Variants in MINDY3 observed in about 807,000 individuals in gnomAD.
MINDY3 encodes MINDY lysine 48 deubiquitinase 3, also known as ubiquitin carboxyl-terminal hydrolase MINDY-3.
Under a neutral mutation model 69.2 loss-of-function variants are expected in MINDY3, and 38 were observed. The observed-to-expected ratio is 0.55, with a 90% CI of 0.42 to 0.72. The LOEUF is 0.72. MINDY3 is among the 30% of genes least tolerant of loss of function. MINDY3 has a pLI of 0.00. For synonymous variants in MINDY3, 192 were observed against 180.1 expected (o/e 1.07, Z -0.53); for missense variants, 522 against 519.0 (o/e 1.01, Z -0.06).
At chr10:15,789,772 C>T (rs1837274404) in intron 11 of MINDY3, among the ~76,000 whole-genome samples, 1 of 152,058 alleles carries the variant, frequency 6.6e-6, no homozygotes, top group Admixed American at 6.6e-5. Context: ...TCCACTGATA[C>T]TTAGACAACT....
intron 2 of MINDY3, among the ~76,000 whole-genome samples, chr10:15,845,513 T>A (rs560115530): frequency 6.6e-6 from 1 of 152,236 alleles, no homozygotes; most frequent in Admixed American, 6.5e-5. Flanking sequence ...TTTTTTTCCT[T>A]TTTAGAAACA....
intron 3 of MINDY3, 143 bp downstream of exon 3, chr10:15,843,069 T>C: frequency 1.5e-6 from 1 of 669,876 alleles, no homozygotes; most frequent in Non-Finnish European, 2.6e-6. Context: ...ATGGAGTCAC[T>C]GTTCATGAAA....
chr10:15,808,162 C>G (rs1391914686), intron 10 of MINDY3, among the ~76,000 whole-genome samples: 1 of 152,114 alleles, frequency 6.6e-6, no homozygotes, highest in Non-Finnish European at 1.5e-5. Context: ...CTTCAGGATC[C>G]TTTAAGTTGT....
chr10:15,798,587 C>T (rs1838018357), intron 10 of MINDY3, among the ~76,000 whole-genome samples: 1 of 151,824 alleles, frequency 6.6e-6, no homozygotes, highest in African/African-American at 2.4e-5. Context: ...AGAGACCAGA[C>T]TGGCCAACAT....
intron 2 of MINDY3, among the ~76,000 whole-genome samples, chr10:15,844,598 T>C (rs1833701021): frequency 2.0e-5 from 3 of 152,190 alleles, no homozygotes; most frequent in African/African-American, 2.4e-5. Context: ...GCTTGCAATT[T>C]TTTTGCTACT....
intron 2 of MINDY3, among the ~76,000 whole-genome samples, chr10:15,845,557 T>G (rs539357696): frequency 1.3e-5 from 2 of 152,188 alleles, no homozygotes; most frequent in East Asian, 3.9e-4. Context: ...TGGAGGGCAG[T>G]GGCATGATCA....
At chr10:15,786,435 T>G (rs979259431) in intron 13 of MINDY3, 126 bp downstream of exon 13, 21 of 658,078 alleles carry the variant, frequency 3.2e-5, no homozygotes, top group Admixed American at 2.1e-4. Context: ...GGTTTCCATG[T>G]AACGGTGTTT....
Position 15,779,054 on chromosome 10 carries a change from G to C in MINDY3, c.1276C>G (p.Gln426Glu). Residue 426 changes from glutamine to glutamate, a missense_variant, in exon 15 of 15, where the codon CAA becomes GAA. Physicochemically the swap from Gln to Glu is conservative, Grantham distance 29. Coordinates refer to ENST00000277632, the MANE Select transcript of MINDY3 (RefSeq NM_024948.4). ...TDDTPIKRCL[Q>E]TKWPYIELLW... ...AACTCAATGTATGGCCATTTGGTTT[G>C]CAGACAGCGTTTAATAGGAGTGTCA... 1 of 1,613,524 alleles carries C rather than the reference G, an allele frequency of 6.2e-7. No homozygotes were observed. Among genetic ancestry groups the C allele is most frequent in the Non-Finnish European group, 8.5e-7 (1 of 1,179,704 alleles).
At chr10:15,808,621 TAAA>T (rs1838792596) in intron 10 of MINDY3, among the ~76,000 whole-genome samples, 4 of 152,174 alleles carry the variant, frequency 2.6e-5, no homozygotes, top group African/African-American at 9.7e-5. Context: ...CAGCAACAGT[TAAA>T]TAATTTTTTC....
intron 10 of MINDY3, among the ~76,000 whole-genome samples, chr10:15,814,465 C>A (rs1309377320): frequency 3.3e-5 from 5 of 151,450 alleles, no homozygotes; most frequent in Non-Finnish European, 7.4e-5. Flanking sequence ...TAATTCCCCC[C>A]ACCCCTAGTG....
rs973318977 is a variant in MINDY3, at chr10:15,829,352, G to A, written c.730+4278C>T. 3.3e-5 allele frequency among the ~76,000 whole-genome samples: 5 copies of A among 152,268 alleles called. No homozygotes were observed. In the South Asian group the frequency reaches 8.3e-4, roughly 25 times the overall value. ...TAACCCTGACTACACAATATCACTT[G>A]CTTAAAAATATATGAATGCCCAGAT... On this transcript the variant is annotated intron_variant, in intron 8 of 14. Coordinates refer to ENST00000277632, the MANE Select transcript of MINDY3 (RefSeq NM_024948.4).
At chr10:15,822,822 C>T (rs899063393) in intron 8 of MINDY3, among the ~76,000 whole-genome samples, 1 of 151,956 alleles carries the variant, frequency 6.6e-6, no homozygotes, top group Non-Finnish European at 1.5e-5. Flanking sequence ...ACAGACACAA[C>T]GCAGGGAATA....
chr10:15,789,851 AAAC>A (rs1358585875), intron 11 of MINDY3, among the ~76,000 whole-genome samples: 8 of 152,146 alleles, frequency 5.3e-5, no homozygotes, highest in Admixed American at 5.2e-4. Flanking sequence ...GGTTTAAAAA[AAAC>A]AGCCCTGAAA....
rs969529834 is a variant in MINDY3 at position 15,814,067 on chromosome 10, G to T, written c.882+2768C>A. Among the ~76,000 whole-genome samples, 48 of 151,704 alleles carry T rather than the reference G, an allele frequency of 3.2e-4. 1 individual carries two copies. Among genetic ancestry groups the T allele is most frequent in the Admixed American group, 1.3e-4 (2 of 15,226 alleles). On this transcript the variant is annotated intron_variant, in intron 10 of 14. Transcript: ENST00000277632. ...CAGAAATGTTAAAGAAGGAATGGCC[G>T]AATAATGATTCTTGTTATAATTTTA...
chr10:15,787,155 T>C (rs1304856890), intron 12 of MINDY3, among the ~76,000 whole-genome samples: 2 of 152,060 alleles, frequency 1.3e-5, no homozygotes, highest in African/African-American at 4.8e-5. Context: ...ACAATGTAAT[T>C]TGAAGGTTAA....
chr10:15,837,642 A>AG, intron 5 of MINDY3: 1 of 1,239,634 alleles, frequency 8.1e-7, no homozygotes, highest in Non-Finnish European at 1.0e-6. Flanking sequence ...TTCTTGTAAG[A>AG]GGGGGTAAAC....
At chr10:15,847,686 C>G (rs1564527788) in intron 2 of MINDY3, among the ~76,000 whole-genome samples, 178 bp downstream of exon 2, 1 of 152,106 alleles carries the variant, frequency 6.6e-6, no homozygotes, top group Non-Finnish European at 1.5e-5. Context: ...TTGCACAACT[C>G]ATCGATATGG....
At chr10:15,826,860 C>A (rs1840116156) in intron 8 of MINDY3, among the ~76,000 whole-genome samples, 1 of 152,048 alleles carries the variant, frequency 6.6e-6, no homozygotes, top group African/African-American at 2.4e-5. Flanking sequence ...AGATCCCAAA[C>A]TCATACCATT....
At chr10:15,837,793 C>T (rs2132074309) in intron 5 of MINDY3, 3 of 980,260 alleles carry the variant, frequency 3.1e-6, no homozygotes, top group South Asian at 9.4e-5. Context: ...ATTCTATCAA[C>T]AGCCATCTTT....
Sources: gnomAD v4.1 joint callset for allele counts (sites outside exome capture counted in the v4.1 genomes callset) on GRCh38, gnomAD v4.1.1 for gene constraint, MANE v1.5 for transcripts, NCBI Gene and HGNC (gene_info 2026-07-23, HGNC 2026-07-21) for gene names.